The following CHCHD3 variants were observed in gnomAD, a reference collection of about 807,000 sequenced individuals.
CHCHD3 encodes MICOS complex subunit MIC19.
A neutral mutation model predicts 38.2 loss-of-function variants in CHCHD3; 20 were observed. That is an observed-to-expected ratio of 0.52 (90% confidence interval 0.37 to 0.76). The LOEUF is 0.76. Ranked by LOEUF, CHCHD3 falls within the 30% of genes least tolerant of loss-of-function variation. CHCHD3 has a pLI of 0.00. For synonymous variants in CHCHD3, 82 were observed against 100.0 expected (o/e 0.82, Z 1.07); for missense variants, 245 against 279.2 (o/e 0.88, Z 0.87).
chr7:132,923,708 T>C (rs574908440), intron 4 of CHCHD3, among the ~76,000 whole-genome samples: 103 of 152,282 alleles, frequency 6.8e-4, no homozygotes, highest in African/African-American at 2.5e-3. Flanking sequence ...ATATGCCTTG[T>C]CAATGGGAAA....
At chr7:132,977,373 T>A (rs1039325757) in intron 3 of CHCHD3, among the ~76,000 whole-genome samples, 1 of 152,196 alleles carries the variant, frequency 6.6e-6, no homozygotes, top group African/African-American at 2.4e-5. Context: ...ACTACAGCCC[T>A]TAATTACCAA....
At chr7:132,909,517 C>A (rs942094417) in intron 4 of CHCHD3, among the ~76,000 whole-genome samples, 1 of 151,996 alleles carries the variant, frequency 6.6e-6, no homozygotes, top group Non-Finnish European at 1.5e-5. Context: ...ACAACAACAA[C>A]AGAAAAACAA....
At chr7:132,955,521 G>A (rs1281464455) in intron 4 of CHCHD3, among the ~76,000 whole-genome samples, 1 of 145,656 alleles carries the variant, frequency 6.9e-6, no homozygotes, top group African/African-American at 2.6e-5. Flanking sequence ...TTTTTTGTTT[G>A]TTTGTTTTTT....
chr7:132,796,412 T>C, intron 7 of CHCHD3, 30 bp downstream of exon 7: 1 of 1,611,662 alleles, frequency 6.2e-7, no homozygotes, highest in South Asian at 1.1e-5. Context: ...ATTTGCCCAG[T>C]GCCCCCAGTG....
At chr7:132,907,645 C>A (rs1809829612) in intron 4 of CHCHD3, among the ~76,000 whole-genome samples, 1 of 152,128 alleles carries the variant, frequency 6.6e-6, no homozygotes, top group Non-Finnish European at 1.5e-5. Flanking sequence ...GCTAAGAGGT[C>A]TGGACTTCAT....
At chr7:132,912,279 G>A (rs982013738) in intron 4 of CHCHD3, among the ~76,000 whole-genome samples, 1 of 152,158 alleles carries the variant, frequency 6.6e-6, no homozygotes, top group African/African-American at 2.4e-5. Flanking sequence ...AGATAATAGG[G>A]AAAATATAAT....
At chr7:132,939,795 G>C (rs1376863167) in intron 4 of CHCHD3, among the ~76,000 whole-genome samples, 2 of 152,160 alleles carry the variant, frequency 1.3e-5, no homozygotes, top group African/African-American at 4.8e-5. Context: ...AAGACATTTA[G>C]GAACAAATGA....
intron 5 of CHCHD3, among the ~76,000 whole-genome samples, chr7:132,877,542 C>T (rs976826046): frequency 2.0e-5 from 3 of 152,092 alleles, no homozygotes; most frequent in Non-Finnish European, 4.4e-5. Context: ...TTCTACAGAA[C>T]AATTAACATC....
At chr7:132,940,472 A>G (rs1810736963) in intron 4 of CHCHD3, among the ~76,000 whole-genome samples, 1 of 152,164 alleles carries the variant, frequency 6.6e-6, no homozygotes, top group Non-Finnish European at 1.5e-5. Context: ...TCCTCAGAGT[A>G]TTTCATTCCC....
chr7:132,907,762 C>A lies in CHCHD3; in HGVS notation c.370-22017G>T, dbSNP rs142073599. Among the ~76,000 whole-genome samples the A allele has an allele frequency of 2.2e-4, 33 of 152,084 alleles. No homozygotes were observed. In the East Asian group the frequency reaches 5.4e-3, roughly 25 times the overall value. On this transcript the variant is annotated intron_variant, in intron 4 of 7. Transcript: ENST00000262570. ...GATGGATTAGAAAGAGGGGAGAATG[C>A]CAGTAGGGAAACCATTAAAGGGCCT...
chr7:132,876,056 T>TA (rs1425085055), intron 5 of CHCHD3, among the ~76,000 whole-genome samples: 1 of 152,222 alleles, frequency 6.6e-6, no homozygotes, highest in African/African-American at 2.4e-5. Context: ...GAGCACTTTC[T>TA]AACAGAAGCA....
intron 5 of CHCHD3, among the ~76,000 whole-genome samples, chr7:132,868,237 G>T (rs73162606): frequency 6.6e-6 from 1 of 152,282 alleles, no homozygotes; most frequent in Non-Finnish European, 1.5e-5. Flanking sequence ...AAGCTGACGG[G>T]AAGTTGTGGG....
chr7:133,049,661 C>CA (rs1814093133), intron 2 of CHCHD3, among the ~76,000 whole-genome samples: 2 of 151,924 alleles, frequency 1.3e-5, no homozygotes, highest in Non-Finnish European at 2.9e-5. Context: ...AAAGATGTTT[C>CA]AAAAAAATAG....
At chr7:132,930,232 T>G (rs1810483618) in intron 4 of CHCHD3, among the ~76,000 whole-genome samples, 1 of 147,294 alleles carries the variant, frequency 6.8e-6, no homozygotes. Context: ...AGTGGTGCAA[T>G]CTCCGCTCAC....
intron 3 of CHCHD3, among the ~76,000 whole-genome samples, chr7:132,988,159 C>T (rs1403189592): frequency 1.3e-5 from 2 of 152,034 alleles, no homozygotes; most frequent in Non-Finnish European, 2.9e-5. Flanking sequence ...GTGTTCCTAA[C>T]GCTCAGGTCA....
At chr7:132,939,073 T>C (rs1434358092) in intron 4 of CHCHD3, among the ~76,000 whole-genome samples, 1 of 152,160 alleles carries the variant, frequency 6.6e-6, no homozygotes, top group East Asian at 1.9e-4. Flanking sequence ...TTAAATATAG[T>C]TACTCCATAT....
At chr7:132,944,846 T>C (rs2117276654) in intron 4 of CHCHD3, among the ~76,000 whole-genome samples, 1 of 152,200 alleles carries the variant, frequency 6.6e-6, no homozygotes, top group Non-Finnish European at 1.5e-5. Context: ...GCATTTGTTT[T>C]AATATAACTG....
At chr7:132,950,595 T>C (rs1811014820) in intron 4 of CHCHD3, among the ~76,000 whole-genome samples, 2 of 152,166 alleles carry the variant, frequency 1.3e-5, no homozygotes, top group South Asian at 4.1e-4. Flanking sequence ...AGGAAGACTG[T>C]TGTGGAGTTA....
intron 3 of CHCHD3, among the ~76,000 whole-genome samples, chr7:133,001,596 C>T (rs1239650302): frequency 6.6e-6 from 1 of 152,070 alleles, no homozygotes; most frequent in African/African-American, 2.4e-5. Context: ...TTTGGAATTA[C>T]ACATGGCATA....
Sources: gnomAD v4.1 joint callset for allele counts (sites outside exome capture counted in the v4.1 genomes callset) on GRCh38, gnomAD v4.1.1 for gene constraint, MANE v1.5 for transcripts, NCBI Gene and HGNC (gene_info 2026-07-23, HGNC 2026-07-21) for gene names.